C2CD3: variants seen among roughly 807,000 people sequenced by gnomAD.
C2CD3 encodes C2 domain containing 3 centriole elongation regulator.
In C2CD3, 148 loss-of-function variants were observed where a neutral mutation model predicts 234.0. That is an observed-to-expected ratio of 0.63 (90% CI 0.55 to 0.72). The LOEUF (loss-of-function observed/expected upper bound fraction) is 0.72. Ranked by LOEUF, C2CD3 falls within the 30% of genes least tolerant of loss-of-function variation. C2CD3 has a pLI of 0.00. For synonymous variants in C2CD3, 1,000 were observed against 1,035.4 expected (o/e 0.97, Z 0.66); for missense variants, 2,577 against 2,811.5 (o/e 0.92, Z 1.89).
chr11:74,116,821 TA>T (rs1455847045), intron 9 of C2CD3, among the ~76,000 whole-genome samples: 3 of 93,314 alleles, frequency 3.2e-5, no homozygotes, highest in African/African-American at 1.2e-4. Context: ...TACACACACA[TA>T]TATACGTGTG....
chr11:74,139,394 T>A (rs895139254), intron 4 of C2CD3, among the ~76,000 whole-genome samples: 20 of 152,214 alleles, frequency 1.3e-4, no homozygotes, highest in African/African-American at 4.3e-4. Flanking sequence ...TTGTGAGTAG[T>A]CCTGGAAAAC....
rs1027205824 is a variant in C2CD3 at position 74,033,516 on chromosome 11, GT to G, written c.6643del (p.Thr2215ProfsTer16). 5 of 1,536,054 alleles carry G rather than the reference GT, an allele frequency of 3.3e-6. No individual in the cohort carries two copies. In the African/African-American group the frequency reaches 6.8e-5, roughly 21 times the overall value. On this transcript the variant is annotated frameshift_variant, in exon 31 of 33. Coordinates refer to ENST00000334126, the MANE Select transcript of C2CD3 (RefSeq NM_001286577.2). LOFTEE classifies it high-confidence loss of function. ...SEAPAENEAA[T>X]SELGDSADSF... ...ATCAGCAGAGTCACCGAGCTCACTG[GT>G]GGCAGCTTCATTCTCAGCTGGGGCC...
At chr11:74,036,683 C>T (rs966666622) in intron 30 of C2CD3, among the ~76,000 whole-genome samples, 3 of 152,160 alleles carry the variant, frequency 2.0e-5, no homozygotes, top group Non-Finnish European at 1.5e-5. Context: ...ATAAAGATTT[C>T]TAGGTCATGA....
In C2CD3 at chr11:74,106,510, G is replaced by A; in HGVS notation, c.1963-17C>T. The A allele has an allele frequency of 6.2e-7, 1 of 1,611,604 alleles. No individual in the cohort carries two copies. Among genetic ancestry groups the A allele is most frequent in the Non-Finnish European group, 8.5e-7 (1 of 1,178,738 alleles). ...GACTTCTGGCTGAGAAAGAAGGAAA[G>A]AGAACATTTAGATTAATTAAAGAGA... On this transcript the variant is annotated splice_polypyrimidine_tract_variant and intron_variant, in intron 12 of 32. Coordinates refer to ENST00000334126, the MANE Select transcript of C2CD3 (RefSeq NM_001286577.2).
intron 16 of C2CD3, 109 bp downstream of exon 16, chr11:74,097,900 C>G: frequency 8.9e-7 from 1 of 1,117,932 alleles, no homozygotes; most frequent in Non-Finnish European, 1.3e-6. Flanking sequence ...ACATTATGTT[C>G]TTTTGTTGAG....
chr11:74,095,560 C>G (rs1956074639), intron 16 of C2CD3, 152 bp from the exon 17 acceptor site: 3 of 549,444 alleles, frequency 5.5e-6, no homozygotes, highest in Non-Finnish European at 9.3e-6. Context: ...ACTCTCACAA[C>G]TACTCACTGT....
chr11:74,157,253 T>C (rs1856095361), intron 3 of C2CD3, among the ~76,000 whole-genome samples: 1 of 152,224 alleles, frequency 6.6e-6, no homozygotes, highest in Non-Finnish European at 1.5e-5. Flanking sequence ...AATACTAGAC[T>C]GAAGCATATA....
intron 24 of C2CD3, among the ~76,000 whole-genome samples, chr11:74,068,101 G>C (rs1005317942): frequency 6.6e-6 from 1 of 152,210 alleles, no homozygotes; most frequent in African/African-American, 2.4e-5. Context: ...CCTCCTAGAA[G>C]TTTAGCCTAG....
intron 32 of C2CD3, among the ~76,000 whole-genome samples, chr11:74,021,294 G>A (rs1952073733): frequency 6.6e-6 from 1 of 152,140 alleles, no homozygotes. Flanking sequence ...CCCCTCCAGA[G>A]TTCAGCTGTA....
intron 24 of C2CD3, among the ~76,000 whole-genome samples, chr11:74,072,804 C>T (rs993505780): frequency 2.0e-5 from 3 of 152,024 alleles, no homozygotes; most frequent in African/African-American, 7.2e-5. Flanking sequence ...TAAATGAATG[C>T]ATGATGAATG....
At position 74,146,747 on chromosome 11, in the gene C2CD3, C is replaced by CACACACACACACACACACACACACAT. The variant is rs58129019; in HGVS notation, c.484-6920_484-6919insATGTGTGTGTGTGTGTGTGTGTGTGT. Among the ~76,000 whole-genome samples, 166 of 144,106 alleles carry CACACACACACACACACACACACACAT rather than the reference C, an allele frequency of 1.2e-3. 2 individuals carry two copies. The highest frequency in any genetic ancestry group is 1.3e-3 in the South Asian group (6 of 4,462). The allele number at this position is 144,106 out of a possible 152,430, so 94.5% of individuals were successfully genotyped here. A position where few individuals can be genotyped will look rare whatever the true frequency, so the allele number is the denominator to read the frequency against. On this transcript the variant is annotated intron_variant, in intron 3 of 32. Coordinates refer to ENST00000334126, the MANE Select transcript of C2CD3 (RefSeq NM_001286577.2). ...ACACACACACACACACACACACACA[C>CACACACACACACACACACACACACAT]AATTAACATATGAATTAAATTCCTG...
At chr11:74,049,303 C>T in intron 27 of C2CD3, 34 bp downstream of exon 27, 5 of 1,557,932 alleles carry the variant, frequency 3.2e-6, no homozygotes, top group East Asian at 2.2e-5. Context: ...CAGTACAATT[C>T]GTATTGGTTA....
At chr11:74,097,881 C>T in intron 16 of C2CD3, 128 bp downstream of exon 16, 1 of 841,746 alleles carries the variant, frequency 1.2e-6, no homozygotes, top group African/African-American at 1.7e-5. Context: ...ATAGGAAGCA[C>T]TGGAGTGCAC....
rs1389084833 is a variant in C2CD3 at position 74,100,608 on chromosome 11, A to G, written c.2649T>C (p.Thr883=). The stretch of plus-strand genomic sequence containing the variant: ...GTCCTGGGCTCCGCACCTTATTCCA[A>G]GTTTCAATTACCATCACATTGTTCT... ...RLKNNVMVIE[T]WNKVRSPGQD... is the part of the protein sequence containing the mutation. Residue 883 remains threonine (T), a synonymous_variant, in exon 15 of 33, where the codon ACT becomes ACC. Transcript: ENST00000334126. 6.2e-7 allele frequency: 1 copy of G among 1,613,998 alleles called. No homozygotes were observed. The highest frequency in any genetic ancestry group is 1.7e-5 in the Admixed American group (1 of 60,002).
intron 3 of C2CD3, among the ~76,000 whole-genome samples, chr11:74,144,479 A>AC (rs1855027912): frequency 6.6e-6 from 1 of 152,210 alleles, no homozygotes; most frequent in South Asian, 2.1e-4. Context: ...GGTTCGGGGT[A>AC]CATGTGCAGA....
intron 26 of C2CD3, among the ~76,000 whole-genome samples, chr11:74,052,675 C>T (rs952187578): frequency 7.2e-5 from 11 of 152,206 alleles, no homozygotes; most frequent in African/African-American, 2.4e-4. Context: ...TTATGATCAG[C>T]TCTTGCTGTA....
At chr11:74,111,002 A>G (rs1956719927) in intron 11 of C2CD3, among the ~76,000 whole-genome samples, 1 of 152,188 alleles carries the variant, frequency 6.6e-6, no homozygotes, top group Non-Finnish European at 1.5e-5. Context: ...CTTCTCAGAA[A>G]AATGTAGAGA....
Position 74,109,150 on chromosome 11 carries a change from C to T in C2CD3, c.1846G>A (p.Val616Met), listed in dbSNP as rs753679091. ...LASSKITDGK[V>M]KFQQRFVFPV... ...AACACAAATCGCTGCTGGAACTTCA[C>T]CTCTGTAAGGAGAACCAGACACACA... Residue 616 changes from valine to methionine, a missense_variant and splice_region_variant, in exon 12 of 33, where the codon GTG becomes ATG. Coordinates refer to ENST00000334126, the MANE Select transcript of C2CD3 (RefSeq NM_001286577.2). 1.3e-6 allele frequency: 2 copies of T among 1,545,430 alleles called. No homozygotes were observed. The highest frequency in any genetic ancestry group is 1.4e-5 in the African/African-American group (1 of 71,410).
At chr11:74,022,916 GAAT>G (rs2135403748) in intron 32 of C2CD3, among the ~76,000 whole-genome samples, 1 of 152,350 alleles carries the variant, frequency 6.6e-6, no homozygotes, top group East Asian at 1.9e-4. Flanking sequence ...CATGGGGTGG[GAAT>G]TATGGGCTGG....
Sources: gnomAD v4.1 joint callset for allele counts (sites outside exome capture counted in the v4.1 genomes callset) on GRCh38, gnomAD v4.1.1 for gene constraint, MANE v1.5 for transcripts, NCBI Gene and HGNC (gene_info 2026-07-23, HGNC 2026-07-21) for gene names.